The following CAMTA1 variants were observed in gnomAD, a reference collection of about 807,000 sequenced individuals.
The protein encoded by CAMTA1 is calmodulin-binding transcription activator 1.
CAMTA1 carries 27 observed loss-of-function variants against 170.9 expected under a neutral mutation model. The observed-to-expected ratio is 0.16, with a 90% CI of 0.12 to 0.22. The LOEUF (loss-of-function observed/expected upper bound fraction) is 0.22, where lower values mean the gene tolerates loss of function less well. Among genes scored for constraint, CAMTA1 ranks in the 10% least tolerant of loss-of-function variants. CAMTA1 has a pLI of 1.00. For missense variants in CAMTA1, 1,619 were observed against 2,217.2 expected (o/e 0.73, Z 5.42); for synonymous variants, 833 against 891.5 (o/e 0.93, Z 1.17).
intron 9 of CAMTA1, among the ~76,000 whole-genome samples, chr1:7,666,130 C>T (rs376590579): frequency 6.6e-6 from 1 of 150,976 alleles, no homozygotes; most frequent in South Asian, 2.1e-4. Context: ...GATCACGCCA[C>T]TGCACTCCAG....
chr1:6,929,665 A>T (rs991413003), intron 3 of CAMTA1, among the ~76,000 whole-genome samples: 1 of 147,812 alleles, frequency 6.8e-6, no homozygotes, highest in Admixed American at 6.7e-5. Flanking sequence ...GCCCGGCCTA[A>T]TTTTTGTATT....
chr1:7,246,051 C>A (rs1182743072), intron 4 of CAMTA1, among the ~76,000 whole-genome samples: 1 of 152,132 alleles, frequency 6.6e-6, no homozygotes. Flanking sequence ...TGGGATTCAC[C>A]CATGAAATCC....
chr1:7,337,846 C>A (rs1285896079), intron 5 of CAMTA1, among the ~76,000 whole-genome samples: 3 of 152,148 alleles, frequency 2.0e-5, no homozygotes, highest in Admixed American at 1.3e-4. Flanking sequence ...AATTTGGACT[C>A]AAGATTACAG....
chr1:7,318,937 G>A (rs778836846), intron 5 of CAMTA1, among the ~76,000 whole-genome samples: 15 of 152,208 alleles, frequency 9.9e-5, no homozygotes, highest in Non-Finnish European at 1.9e-4. Context: ...AAGGCAGCAC[G>A]AAATCGTGTG....
chr1:7,615,098 G>GTGA (rs138050965), intron 6 of CAMTA1, among the ~76,000 whole-genome samples: 1,604 of 152,342 alleles, frequency 0.011, 29 homozygotes, highest in African/African-American at 0.036. Flanking sequence ...GTTTGCTGAA[G>GTGA]TGATTGGAAT....
chr1:6,806,944 C>T, intron 1 of CAMTA1: 1 of 481,452 alleles, frequency 2.1e-6, no homozygotes, highest in South Asian at 3.7e-5. Flanking sequence ...TAAGTCACTT[C>T]ATTTACTCAA....
intron 3 of CAMTA1, among the ~76,000 whole-genome samples, chr1:6,850,588 A>T (rs749731664): frequency 2.6e-5 from 4 of 152,220 alleles, no homozygotes; most frequent in Non-Finnish European, 4.4e-5. Context: ...AAAATTTAAA[A>T]CAAAATTTAT....
intron 5 of CAMTA1, among the ~76,000 whole-genome samples, chr1:7,406,050 G>T (rs908118442): frequency 6.6e-6 from 1 of 152,260 alleles, no homozygotes; most frequent in Non-Finnish European, 1.5e-5. Context: ...GTTAAATGGT[G>T]AGGAACAGGG....
At chr1:6,984,637 C>A (rs1695057906) in intron 3 of CAMTA1, among the ~76,000 whole-genome samples, 1 of 150,462 alleles carries the variant, frequency 6.6e-6, no homozygotes, top group African/African-American at 2.5e-5. Flanking sequence ...TCACAAAAAA[C>A]AACAAAGAAA....
intron 3 of CAMTA1, among the ~76,000 whole-genome samples, chr1:7,029,488 C>CA (rs55736306): frequency 0.043 from 2,761 of 63,598 alleles, 171 homozygotes; most frequent in African/African-American, 0.063. Flanking sequence ...GACTCTGTCT[C>CA]AAAAAAAAAA....
At chr1:7,369,823 G>A (rs1271079387) in intron 5 of CAMTA1, among the ~76,000 whole-genome samples, 1 of 152,158 alleles carries the variant, frequency 6.6e-6, no homozygotes, top group African/African-American at 2.4e-5. Flanking sequence ...AAGCTCCAAA[G>A]ACACTCTCAC....
At chr1:7,159,012 C>T (rs12403655) in intron 4 of CAMTA1, among the ~76,000 whole-genome samples, 2,247 of 151,958 alleles carry the variant, frequency 0.015, 145 homozygotes, top group Admixed American at 0.097. Context: ...AAACTTTGTG[C>T]TTTATAAATA....
intron 3 of CAMTA1, among the ~76,000 whole-genome samples, chr1:7,021,314 C>T (rs1269104340): frequency 6.6e-6 from 1 of 152,214 alleles, no homozygotes; most frequent in Non-Finnish European, 1.5e-5. Context: ...TGCACCTGAA[C>T]CGGGAGTCTG....
chr1:7,474,225 G>C (rs369579907), intron 6 of CAMTA1, among the ~76,000 whole-genome samples: 2 of 118,762 alleles, frequency 1.7e-5, no homozygotes, highest in African/African-American at 6.7e-5. Flanking sequence ...CAAAGAAGCA[G>C]CTATTAGCTG....
At position 7,634,093 on chromosome 1, in the gene CAMTA1, G is replaced by A. The variant is rs908329184; in HGVS notation, c.511-6307G>A. ...GGCCTGATCTCAGTGCCAAGGAGCC[G>A]TCCGGAACAGCCCAACCACGCCTGC... On this transcript the variant is annotated intron_variant, in intron 6 of 22. Transcript: ENST00000303635. The surrounding 1 kb of genome is among the most constrained non-coding windows in gnomAD (Gnocchi z 6.2). 1.1e-4 allele frequency among the ~76,000 whole-genome samples: 17 copies of A among 152,156 alleles called. No individual in the cohort carries two copies. The highest frequency in any genetic ancestry group is 5.8e-4 in the East Asian group (3 of 5,170).
At chr1:7,564,519 C>T (rs1425616364) in intron 6 of CAMTA1, among the ~76,000 whole-genome samples, 1 of 152,208 alleles carries the variant, frequency 6.6e-6, no homozygotes, top group Non-Finnish European at 1.5e-5. Context: ...TGGGATGGCC[C>T]ATGCACCAAA....
Position 7,677,787 on chromosome 1 carries a change from G to A in CAMTA1, c.2914+54G>A, listed in dbSNP as rs1230270346. 3.2e-6 allele frequency: 5 copies of A among 1,578,372 alleles called. No homozygotes were observed. In the East Asian group the frequency reaches 6.8e-5, roughly 21 times the overall value. On this transcript the variant is annotated intron_variant, in intron 11 of 22. Transcript: ENST00000303635. ...AGGCACCAAGGGAGAGGGATGCTTGGGGACTCTTGCACAAGGTGTGAAAGA... is the reference window on the plus strand; with the variant it reads ...AGGCACCAAGGGAGAGGGATGCTTGAGGACTCTTGCACAAGGTGTGAAAGA...
chr1:7,757,564 C>T (rs140390930), intron 22 of CAMTA1, among the ~76,000 whole-genome samples: 6,189 of 152,124 alleles, frequency 0.041, 161 homozygotes, highest in African/African-American at 0.071. Context: ...GTCAGGAGTT[C>T]GAGACCAGCC....
chr1:7,457,339 A>G (rs929030528), intron 5 of CAMTA1, among the ~76,000 whole-genome samples: 2 of 151,796 alleles, frequency 1.3e-5, no homozygotes, highest in East Asian at 2.0e-4. Context: ...CTCCTCACTC[A>G]TGTCGTCGTT....
Sources: allele counts gnomAD v4.1 joint callset (sites outside exome capture counted in the v4.1 genomes callset), GRCh38; gene constraint gnomAD v4.1.1; non-coding constraint Gnocchi (gnomAD v3.1); transcripts MANE v1.5; gene names NCBI Gene and HGNC (gene_info 2026-07-23, HGNC 2026-07-21).